The following NTRK2 variants were observed in gnomAD, a reference collection of about 807,000 sequenced individuals.
NTRK2 encodes neurotrophic receptor tyrosine kinase 2, also known as BDNF/NT-3 growth factors receptor.
In NTRK2, 13 loss-of-function variants were observed where a neutral mutation model predicts 94.5. That is an observed-to-expected ratio of 0.14 (90% CI 0.09 to 0.22). The LOEUF (loss-of-function observed/expected upper bound fraction) is 0.22, where lower values mean the gene tolerates loss of function less well. Ranked by LOEUF, NTRK2 falls within the 10% of genes least tolerant of loss-of-function variation. The pLI, the probability that NTRK2 is intolerant of heterozygous loss-of-function variation, is 1.00. For missense variants in NTRK2, 639 were observed against 1,071.2 expected, an observed-to-expected ratio of 0.60 and a Z score of 5.63; for synonymous variants, 372 against 407.4, an observed-to-expected ratio of 0.91 and a Z score of 1.05.
intron 12 of NTRK2, among the ~76,000 whole-genome samples, chr9:84,752,960 T>C (rs979723295): frequency 6.6e-6 from 1 of 152,218 alleles, no homozygotes; most frequent in East Asian, 1.9e-4. Context: ...TTTATCTGTA[T>C]GGTCTGTTAG....
chr9:85,025,516 G>C lies in NTRK2; in HGVS notation c.*4079G>C, dbSNP rs988609020. 1 of 233,216 alleles carries C rather than the reference G, an allele frequency of 4.3e-6. No homozygotes were observed. Among genetic ancestry groups the C allele is most frequent in the Non-Finnish European group, 8.5e-6 (1 of 118,014 alleles). 14.4% of individuals were successfully genotyped at this position (233,216 alleles called of 1,614,324 possible). On this transcript the variant is annotated 3_prime_UTR_variant, in exon 19 of 19. Coordinates refer to ENST00000277120, the MANE Select transcript of NTRK2 (RefSeq NM_006180.6). ...GCACCAACTAACAGTATAGAATGCT[G>C]TCCTTTTCAAAGCGTCCTAACAGCA...
At chr9:84,874,214 C>G (rs1587780303) in intron 14 of NTRK2, 6 of 1,065,270 alleles carry the variant, frequency 5.6e-6, no homozygotes, top group South Asian at 4.6e-5. Context: ...AACACAGTTG[C>G]AGAGTAGCCT....
chr9:84,789,779 C>G (rs1030302740), intron 12 of NTRK2, among the ~76,000 whole-genome samples: 1 of 152,186 alleles, frequency 6.6e-6, no homozygotes, highest in African/African-American at 2.4e-5. Context: ...TCTACCTTAA[C>G]CCTAAGCTTT....
At chr9:84,925,627 C>G (rs990897101) in intron 14 of NTRK2, among the ~76,000 whole-genome samples, 2 of 152,178 alleles carry the variant, frequency 1.3e-5, no homozygotes, top group Non-Finnish European at 1.5e-5. Flanking sequence ...TGGCTGGGGA[C>G]AGCACCTCCC....
intron 14 of NTRK2, 91 bp downstream of exon 14, chr9:84,867,522 C>G: frequency 9.1e-7 from 1 of 1,095,084 alleles, no homozygotes; most frequent in Non-Finnish European, 1.4e-6. Context: ...GGATGACTGG[C>G]GGGGAACAGG....
At chr9:84,790,682 T>C (rs911008750) in intron 12 of NTRK2, among the ~76,000 whole-genome samples, 1 of 152,182 alleles carries the variant, frequency 6.6e-6, no homozygotes, top group African/African-American at 2.4e-5. Context: ...CAGGGAGATA[T>C]GGTTTTAAGT....
chr9:84,987,211 A>T (rs1240813845), intron 17 of NTRK2, among the ~76,000 whole-genome samples: 7 of 152,230 alleles, frequency 4.6e-5, no homozygotes, highest in African/African-American at 1.7e-4. Flanking sequence ...ATGTTAATTG[A>T]GCACCATTAG....
chr9:84,743,763 C>A (rs2063836842), intron 10 of NTRK2, among the ~76,000 whole-genome samples: 1 of 152,126 alleles, frequency 6.6e-6, no homozygotes, highest in Non-Finnish European at 1.5e-5. Flanking sequence ...TTAAATTTTG[C>A]AGACGTAGTT....
intron 12 of NTRK2, among the ~76,000 whole-genome samples, chr9:84,849,708 C>T (rs2074659056): frequency 6.6e-6 from 1 of 152,126 alleles, no homozygotes; most frequent in Non-Finnish European, 1.5e-5. Flanking sequence ...TGGGATGGAA[C>T]TATGACAGAG....
chr9:84,749,859 A>G (rs540546280), intron 11 of NTRK2, among the ~76,000 whole-genome samples: 2 of 152,282 alleles, frequency 1.3e-5, no homozygotes, highest in Admixed American at 6.5e-5. Flanking sequence ...TCACTATGAG[A>G]TGGGTATATC....
At chr9:84,787,169 G>A (rs952944505) in intron 12 of NTRK2, among the ~76,000 whole-genome samples, 1 of 151,994 alleles carries the variant, frequency 6.6e-6, no homozygotes, top group African/African-American at 2.4e-5. Context: ...GTGGTGGCAG[G>A]CACCTATAAT....
At chr9:84,787,667 T>A (rs946541845) in intron 12 of NTRK2, among the ~76,000 whole-genome samples, 1 of 152,230 alleles carries the variant, frequency 6.6e-6, no homozygotes, top group African/African-American at 2.4e-5. Flanking sequence ...TTATTAGCTA[T>A]GTGACCTATG....
At chr9:84,904,321 A>G (rs967665475) in intron 14 of NTRK2, among the ~76,000 whole-genome samples, 14 of 152,192 alleles carry the variant, frequency 9.2e-5, no homozygotes, top group Admixed American at 5.2e-4. Flanking sequence ...TTTGAATTTT[A>G]ATAAGGCAAG....
chr9:84,946,917 T>C (rs150331830), intron 15 of NTRK2, among the ~76,000 whole-genome samples: 1 of 152,252 alleles, frequency 6.6e-6, no homozygotes, highest in African/African-American at 2.4e-5. Flanking sequence ...TGACATCTTT[T>C]CTCCTCTCTG....
intron 6 of NTRK2, among the ~76,000 whole-genome samples, chr9:84,714,519 C>T (rs2061595411): frequency 6.6e-6 from 1 of 152,132 alleles, no homozygotes; most frequent in Non-Finnish European, 1.5e-5. Flanking sequence ...AGAAAGGGAG[C>T]CTTCACTTTG....
At position 84,766,346 on chromosome 9, in the gene NTRK2, C is replaced by T. The variant is rs80212928; in HGVS notation, c.1396+14261C>T. The stretch of plus-strand genomic sequence containing the variant: ...CAGAGAGGGATGGAAATGCAGCTCA[C>T]TGAGGGACTTGCAGCATTTAGGAGT... On this transcript the variant is annotated intron_variant, in intron 12 of 18. Coordinates refer to ENST00000277120, the MANE Select transcript of NTRK2 (RefSeq NM_006180.6). Among the ~76,000 whole-genome samples the T allele has an allele frequency of 4.6e-3, 700 of 152,114 alleles. 8 individuals carry two copies. Among genetic ancestry groups the T allele is most frequent in the African/African-American group, 0.016 (662 of 41,522 alleles).
At chr9:84,882,243 G>A (rs76669694) in intron 14 of NTRK2, among the ~76,000 whole-genome samples, 70 of 152,110 alleles carry the variant, frequency 4.6e-4, no homozygotes, top group African/African-American at 8.2e-4. Context: ...GGCAGTTTAC[G>A]TTGGAAATGC....
intron 14 of NTRK2, among the ~76,000 whole-genome samples, chr9:84,882,746 T>C (rs2132226097): frequency 6.7e-6 from 1 of 148,386 alleles, no homozygotes; most frequent in African/African-American, 2.6e-5. Context: ...GTGTGCATTA[T>C]AATAACTAGA....
intron 2 of NTRK2, among the ~76,000 whole-genome samples, chr9:84,680,495 G>A (rs1032225409): frequency 1.3e-5 from 2 of 152,172 alleles, no homozygotes; most frequent in African/African-American, 4.8e-5. Flanking sequence ...GGGCTGGAGC[G>A]CCTTTCAGCT....
Sources: allele counts gnomAD v4.1 joint callset (sites outside exome capture counted in the v4.1 genomes callset), GRCh38; gene constraint gnomAD v4.1.1; transcripts MANE v1.5; gene names NCBI Gene and HGNC (gene_info 2026-07-23, HGNC 2026-07-21).